Variants in ADRA1B observed in about 807,000 individuals in gnomAD.
ADRA1B encodes the protein alpha-1B adrenergic receptor.
ADRA1B carries 17 observed loss-of-function variants against 17.9 expected under a neutral mutation model. That is an observed-to-expected ratio of 0.95 (90% confidence interval 0.65 to 1.42). ADRA1B has a LOEUF of 1.42. ADRA1B is among the 40% of genes most tolerant of loss of function. The probability of loss-of-function intolerance (pLI) is 0.00; values close to 1 mark genes in which losing one functional copy is unlikely to be tolerated. For missense variants in ADRA1B, 681 were observed against 722.1 expected (o/e 0.94, Z 0.65); for synonymous variants, 366 against 327.6 (o/e 1.12, Z -1.27).
chr5:159,961,359 G>A (rs955507357), intron 1 of ADRA1B, among the ~76,000 whole-genome samples: 1 of 152,186 alleles, frequency 6.6e-6, no homozygotes, highest in African/African-American at 2.4e-5. Flanking sequence ...GGTGGCTGTG[G>A]TTATTATTGT....
At chr5:159,899,582 G>T (rs1157364867) in intron 1 of ADRA1B, among the ~76,000 whole-genome samples, 1 of 152,138 alleles carries the variant, frequency 6.6e-6, no homozygotes, top group African/African-American at 2.4e-5. Context: ...ACAGTGCTCT[G>T]CACAGCTCCA....
intron 1 of ADRA1B, among the ~76,000 whole-genome samples, chr5:159,898,758 G>A (rs1179641522): frequency 1.3e-5 from 2 of 152,282 alleles, no homozygotes; most frequent in African/African-American, 4.8e-5. Context: ...GAAGAGACTT[G>A]GAAGGGGGAT....
chr5:159,962,088 C>G (rs1470579506), intron 1 of ADRA1B, among the ~76,000 whole-genome samples: 1 of 152,164 alleles, frequency 6.6e-6, no homozygotes, highest in Non-Finnish European at 1.5e-5. Context: ...GTCCCAGCTA[C>G]TCGGGAAGCT....
rs1318140843 is a variant in ADRA1B, at chr5:159,940,718, A to G, written c.949+22864A>G. Among the ~76,000 whole-genome samples, 3 of 152,234 alleles carry G rather than the reference A, an allele frequency of 2.0e-5. No individual in the cohort carries two copies. The East Asian group carries it at 5.8e-4, about 29-fold the overall frequency. On this transcript the variant is annotated intron_variant, in intron 1 of 1. Coordinates refer to ENST00000306675, the MANE Select transcript of ADRA1B (RefSeq NM_000679.4). Reference sequence around the variant, plus strand: ...CATACACACACATGCATATACACACACTTACACATACACACACACTCCCCC... The same window carrying G: ...CATACACACACATGCATATACACACGCTTACACATACACACACACTCCCCC...
intron 1 of ADRA1B, chr5:159,950,640 G>A (rs1405439196): frequency 2.5e-6 from 2 of 810,586 alleles, no homozygotes; most frequent in East Asian, 4.9e-5. Context: ...GGGTGTCTCT[G>A]TTGAAGTCAG....
intron 1 of ADRA1B, chr5:159,929,049 T>C (rs1387122488): frequency 6.6e-6 from 1 of 152,178 alleles, no homozygotes; most frequent in African/African-American, 2.4e-5. Flanking sequence ...ACACCAAGGT[T>C]CCTTGGCTCC....
chr5:159,916,864 C>T lies in ADRA1B; in HGVS notation c.-42C>T, dbSNP rs200027623. ...TGAGGAGCCTTCGCCGCAGCCCTTC[C>T]GAGCCCAATCATCCCCCTGGCTATG... On this transcript the variant is annotated 5_prime_UTR_variant, in exon 1 of 2. Coordinates refer to ENST00000306675, the MANE Select transcript of ADRA1B (RefSeq NM_000679.4). The T allele has an allele frequency of 9.0e-6, 14 of 1,553,072 alleles. No individual in the cohort carries two copies. In the East Asian group the frequency reaches 1.6e-4, roughly 18 times the overall value.
upstream of ADRA1B, among the ~76,000 whole-genome samples, chr5:159,913,576 G>T (rs1754249801): frequency 1.3e-5 from 2 of 152,174 alleles, no homozygotes; most frequent in South Asian, 2.1e-4. Context: ...CCTGACACCT[G>T]AATCAAGACA....
chr5:159,901,490 T>C (rs1223409682), intron 1 of ADRA1B, among the ~76,000 whole-genome samples: 1 of 151,226 alleles, frequency 6.6e-6, no homozygotes, highest in Non-Finnish European at 1.5e-5. Context: ...CCAGTATAAA[T>C]TGATGAACCT....
At chr5:159,951,144 T>C in intron 1 of ADRA1B, 2 of 749,020 alleles carry the variant, frequency 2.7e-6, no homozygotes, top group East Asian at 2.5e-5. Context: ...GCAGAGATGA[T>C]GACCCTTGTA....
downstream of ADRA1B, among the ~76,000 whole-genome samples, chr5:159,973,654 A>AC (rs1190832626): frequency 1.3e-5 from 2 of 152,090 alleles, no homozygotes; most frequent in Non-Finnish European, 2.9e-5. Flanking sequence ...CTGACTTGTG[A>AC]CCCTGCCTGG....
intron 1 of ADRA1B, among the ~76,000 whole-genome samples, chr5:159,945,909 G>A (rs1006129162): frequency 1.3e-5 from 2 of 152,056 alleles, no homozygotes; most frequent in Non-Finnish European, 2.9e-5. Context: ...CACCATGCCT[G>A]GCTAATTTTT....
At chr5:159,921,071 AG>A (rs148135107) in intron 1 of ADRA1B, among the ~76,000 whole-genome samples, 195 of 152,164 alleles carry the variant, frequency 1.3e-3, no homozygotes, top group Non-Finnish European at 2.2e-3. Flanking sequence ...TGCCCCCTAC[AG>A]GATCCTGTTC....
intron 1 of ADRA1B, among the ~76,000 whole-genome samples, chr5:159,961,318 T>C (rs1755660462): frequency 6.6e-6 from 1 of 152,210 alleles, no homozygotes; most frequent in African/African-American, 2.4e-5. Context: ...GGTACCTTAA[T>C]AACTGGTTTT....
chr5:159,952,254 A>G (rs2113263903), intron 1 of ADRA1B, among the ~76,000 whole-genome samples: 1 of 152,336 alleles, frequency 6.6e-6, no homozygotes, highest in African/African-American at 2.4e-5. Flanking sequence ...TCCAACGCAT[A>G]CATATCTACA....
the ADRA1B span, among the ~76,000 whole-genome samples, chr5:159,983,666 C>T: frequency 6.6e-6 from 1 of 152,080 alleles, no homozygotes; most frequent in Non-Finnish European, 1.5e-5. Context: ...CCAGGTCCTC[C>T]CAATCATCTG....
At chr5:159,868,564 A>G (rs1183260691) in intron 1 of ADRA1B, 1 of 152,258 alleles carries the variant, frequency 6.6e-6, no homozygotes, top group Non-Finnish European at 1.5e-5. Context: ...ATGGTGAGAA[A>G]CTAGGTTGCT....
intron 1 of ADRA1B, among the ~76,000 whole-genome samples, chr5:159,927,862 G>A (rs779856568): frequency 2.2e-4 from 33 of 152,200 alleles, no homozygotes; most frequent in Admixed American, 3.9e-4. Context: ...AAAGATTCAT[G>A]ATGAGAGAGC....
At position 159,972,257 on chromosome 5, in the gene ADRA1B, C is replaced by A; in HGVS notation, c.1328C>A (p.Ala443Asp). Residue 443 changes from alanine (A) to aspartate (D), a missense_variant, in exon 2 of 2, where the codon GCC becomes GAC. Transcript: ENST00000306675. Reference protein sequence around the residue: ...RGAPPPVELCAFPEWKAPGAL... With the variant: ...RGAPPPVELCDFPEWKAPGAL... Reference sequence around the variant, plus strand: ...GCGCCACCGCCAGTCGAGCTGTGCGCCTTCCCCGAGTGGAAGGCGCCCGGC... The same window carrying A: ...GCGCCACCGCCAGTCGAGCTGTGCGACTTCCCCGAGTGGAAGGCGCCCGGC... 4 of 1,357,842 alleles carry A rather than the reference C, an allele frequency of 2.9e-6. No individual in the cohort carries two copies. The highest frequency in any genetic ancestry group is 1.7e-5 in the South Asian group (1 of 58,740). The allele number at this position is 1,357,842 out of a possible 1,614,324, so 84.1% of individuals were successfully genotyped here. A position where few individuals can be genotyped will look rare whatever the true frequency, so the allele number is the denominator to read the frequency against.
Sources: allele counts gnomAD v4.1 joint callset (sites outside exome capture counted in the v4.1 genomes callset), GRCh38; gene constraint gnomAD v4.1.1; transcripts MANE v1.5; gene names NCBI Gene and HGNC (gene_info 2026-07-23, HGNC 2026-07-21).